Variants in ADIPOR1 observed in about 807,000 individuals in gnomAD.
ADIPOR1 encodes the protein adiponectin receptor protein 1.
A neutral mutation model predicts 37.5 loss-of-function variants in ADIPOR1; 15 were observed. The ratio of observed to expected loss-of-function variants is 0.40; its 90% confidence interval spans 0.27 to 0.62. The LOEUF (loss-of-function observed/expected upper bound fraction) is 0.62. Among genes scored for constraint, ADIPOR1 ranks in the 20% least tolerant of loss-of-function variants. The pLI, the probability that ADIPOR1 is intolerant of heterozygous loss-of-function variation, is 0.42. For missense variants in ADIPOR1, 286 were observed against 478.0 expected (o/e 0.60, Z 3.75); for synonymous variants, 173 against 173.2 (o/e 1.00, Z 0.01).
intron 2 of ADIPOR1, 138 bp from the exon 3 acceptor site, chr1:202,948,558 C>A: frequency 1.5e-6 from 1 of 683,592 alleles, no homozygotes; most frequent in South Asian, 1.6e-5. Context: ...GTGGTCTCTT[C>A]TCCAAAAGCA....
intron 1 of ADIPOR1, among the ~76,000 whole-genome samples, chr1:202,955,347 A>G (rs1654741201): frequency 6.6e-6 from 1 of 151,698 alleles, no homozygotes; most frequent in Non-Finnish European, 1.5e-5. Flanking sequence ...TTAGCTTCCC[A>G]AGTCTTAGTA....
chr1:202,941,706 A>G lies in ADIPOR1; in HGVS notation c.1000-5T>C, dbSNP rs1369479412. The G allele has an allele frequency of 1.9e-6, 3 of 1,606,276 alleles. No individual in the cohort carries two copies. Among genetic ancestry groups the G allele is most frequent in the South Asian group, 1.1e-5 (1 of 89,378 alleles). Reference sequence around the variant, plus strand: ...GAAAATCTGATGAGACTGGAACTGTAGGAATAAAAAGAAAAGAGCCTTTAG... The same window carrying G: ...GAAAATCTGATGAGACTGGAACTGTGGGAATAAAAAGAAAAGAGCCTTTAG... On this transcript the variant is annotated splice_region_variant and splice_polypyrimidine_tract_variant and intron_variant, in intron 7 of 7. Transcript: ENST00000340990.
At chr1:202,943,967 A>G (rs1208514806) in intron 5 of ADIPOR1, 22 bp from the exon 6 acceptor site, 1 of 1,592,978 alleles carries the variant, frequency 6.3e-7, no homozygotes, top group Non-Finnish European at 8.6e-7. Context: ...CACAAAAATG[A>G]AACAAATCAG....
intron 1 of ADIPOR1, among the ~76,000 whole-genome samples, chr1:202,951,735 C>A (rs774213572): frequency 6.6e-6 from 1 of 152,162 alleles, no homozygotes; most frequent in African/African-American, 2.4e-5. Flanking sequence ...AATTTCTCTG[C>A]GAAGTCTACT....
At position 202,946,397 on chromosome 1, in the gene ADIPOR1, G is replaced by A. The variant is rs1485498493; in HGVS notation, c.430+42C>T. The A allele has an allele frequency of 3.1e-6, 5 of 1,611,168 alleles. No individual in the cohort carries two copies. The African/African-American group carries it at 6.7e-5, about 22-fold the overall frequency. Reference sequence around the variant, plus strand: ...GGGCTCTATAATCCCTTCGCAGTTAGGGAGACAACAAATTCCACCTTTCCC... The same window carrying A: ...GGGCTCTATAATCCCTTCGCAGTTAAGGAGACAACAAATTCCACCTTTCCC... On this transcript the variant is annotated intron_variant, in intron 4 of 7. Transcript: ENST00000340990.
chr1:202,949,072 G>A (rs530956901), intron 2 of ADIPOR1, among the ~76,000 whole-genome samples: 1 of 151,756 alleles, frequency 6.6e-6, no homozygotes, highest in East Asian at 2.0e-4. Flanking sequence ...ATTACAGGCT[G>A]AGCCACCATG....
chr1:202,958,434 G>GGCCCCGCCCTGCT (rs1168978521), upstream of ADIPOR1: 12 of 153,954 alleles, frequency 7.8e-5, no homozygotes, highest in Admixed American at 3.9e-4. Context: ...TCCCGCCCCG[G>GGCCCCGCCCTGCT]GCCCCGCCCT....
intron 6 of ADIPOR1, among the ~76,000 whole-genome samples, chr1:202,942,473 G>C (rs929195637): frequency 5.9e-5 from 9 of 152,316 alleles, no homozygotes; most frequent in African/African-American, 2.2e-4. Flanking sequence ...TTCATTATCT[G>C]TTAAGGAATT....
chr1:202,948,353 G>T lies in ADIPOR1; in HGVS notation c.209C>A (p.Pro70His). ...CTCCATGGCGTGGTGGGCTTGCAGG[G>T]GAAGTGTCAGTACCCGCACCTCCTC... ...EEEEVRVLTL[P>H]LQAHHAMEKM... The change falls in exon 3 of 8, where the codon CCC becomes CAC. Residue 70 changes from proline (P) to histidine (H), a missense_variant. By Grantham distance (77) the Pro-to-His change is moderately conservative. Coordinates refer to ENST00000340990, the MANE Select transcript of ADIPOR1 (RefSeq NM_015999.6). 1 of 1,613,980 alleles carries T rather than the reference G, an allele frequency of 6.2e-7. No homozygotes were observed. Among genetic ancestry groups the T allele is most frequent in the Non-Finnish European group, 8.5e-7 (1 of 1,179,932 alleles).
chr1:202,954,507 C>T (rs937772623), intron 1 of ADIPOR1, among the ~76,000 whole-genome samples: 2 of 152,186 alleles, frequency 1.3e-5, no homozygotes, highest in Non-Finnish European at 2.9e-5. Context: ...CCTAGGTGAG[C>T]CAACCTTCTG....
chr1:202,942,591 C>T (rs1264058165), intron 6 of ADIPOR1, among the ~76,000 whole-genome samples: 1 of 152,172 alleles, frequency 6.6e-6, no homozygotes, highest in Admixed American at 6.5e-5. Context: ...GATAGGCTTC[C>T]TGTTAAGATC....
Position 202,946,528 on chromosome 1 carries a change from T to C in ADIPOR1, c.341A>G (p.His114Arg), listed in dbSNP as rs1246125344. 6.2e-7 allele frequency: 1 copy of C among 1,614,122 alleles called. No individual in the cohort carries two copies. Residue 114 changes from histidine to arginine, a missense_variant, in exon 4 of 8, where the codon CAT (histidine) becomes CGT (arginine). Physicochemically the swap from His to Arg is conservative, Grantham distance 29 (BLOSUM62 0). Transcript: ENST00000340990. ...LKDNDYLLHGHRPPMPSFRAC... is the reference protein window; with the variant it reads ...LKDNDYLLHGRRPPMPSFRAC... ...CCGAAAGGAGGGCATGGGAGGTCTATGACCATGTAGCAGATAGTCGTTGTC... is the reference window on the plus strand; with the variant it reads ...CCGAAAGGAGGGCATGGGAGGTCTACGACCATGTAGCAGATAGTCGTTGTC...
intron 5 of ADIPOR1, 91 bp from the exon 6 acceptor site, chr1:202,944,036 C>T: frequency 8.8e-7 from 1 of 1,142,618 alleles, no homozygotes; most frequent in Non-Finnish European, 1.2e-6. Context: ...CCACCTGCTC[C>T]CAGATTTAAC....
At position 202,948,420 on chromosome 1, in the gene ADIPOR1, C is replaced by T; in HGVS notation, c.142G>A (p.Ala48Thr). 1 of 1,613,390 alleles carries T rather than the reference C, an allele frequency of 6.2e-7. No homozygotes were observed. The highest frequency in any genetic ancestry group is 8.5e-7 in the Non-Finnish European group (1 of 1,179,438). Residue 48 changes from alanine to threonine, a missense_variant and splice_region_variant, in exon 3 of 8, where the codon GCT (alanine) becomes ACT (threonine). Physicochemically the swap from Ala to Thr is moderately conservative, Grantham distance 58. Transcript: ENST00000340990. ...ACTGGGCATGTTTGCTCTTCTTCAGCCTATGGGGGAAAAAACCCACAACAA... is the reference window on the plus strand; with the variant it reads ...ACTGGGCATGTTTGCTCTTCTTCAGTCTATGGGGGAAAAAACCCACAACAA... ...GKRVIANPPK[A>T]EEEQTCPVPQ...
At chr1:202,957,024 A>G (rs999696237) in intron 1 of ADIPOR1, among the ~76,000 whole-genome samples, 6 of 152,242 alleles carry the variant, frequency 3.9e-5, no homozygotes, top group African/African-American at 1.4e-4. Context: ...CTGATTTCCC[A>G]AGTGCAAATC....
At chr1:202,949,593 A>AAAAAACAAAAC (rs1332418254) in intron 2 of ADIPOR1, among the ~76,000 whole-genome samples, 3 of 138,396 alleles carry the variant, frequency 2.2e-5, no homozygotes, top group South Asian at 2.4e-4. Context: ...AAAAAAAAAA[A>AAAAAACAAAAC]AAAACACACC....
chr1:202,945,056 G>A lies in ADIPOR1; in HGVS notation c.544C>T (p.Leu182Phe), dbSNP rs1654253174. 1.2e-6 allele frequency: 2 copies of A among 1,614,060 alleles called. No homozygotes were observed. Among genetic ancestry groups the A allele is most frequent in the African/African-American group, 2.7e-5 (2 of 74,932 alleles). Residue 182 changes from leucine to phenylalanine, a missense_variant, in exon 5 of 8, where the codon CTC becomes TTC. By Grantham distance (22) the Leu-to-Phe change is conservative. Transcript: ENST00000340990. ...AAGAGCCAGGAGAAGCTGAGGCAGA[G>A]CACTGCACCCAAAAAGAACATCCCA... ...VFGMFFLGAV[L>F]CLSFSWLFHT...
rs1043067779 is a variant in ADIPOR1 at position 202,949,437 on chromosome 1, G to A, written c.142-1017C>T. Among the ~76,000 whole-genome samples, 58 of 151,850 alleles carry A rather than the reference G, an allele frequency of 3.8e-4. 1 individual carries two copies. Among genetic ancestry groups the A allele is most frequent in the African/African-American group, 9.9e-4 (41 of 41,482 alleles). ...CTACTAAAAATACAAAAAATTAGCC[G>A]GGCGAGGTGGCGGGCACCTGTAGTC... On this transcript the variant is annotated intron_variant, in intron 2 of 7. Coordinates refer to ENST00000340990, the MANE Select transcript of ADIPOR1 (RefSeq NM_015999.6).
At chr1:202,951,284 A>C in intron 1 of ADIPOR1, 120 bp from the exon 2 acceptor site, 1 of 548,020 alleles carries the variant, frequency 1.8e-6, no homozygotes, top group South Asian at 2.7e-5. Flanking sequence ...TCTAAAGGCC[A>C]GTTAATTGCT....
Sources: gnomAD v4.1 joint callset for allele counts (sites outside exome capture counted in the v4.1 genomes callset) on GRCh38, gnomAD v4.1.1 for gene constraint, MANE v1.5 for transcripts, NCBI Gene and HGNC (gene_info 2026-07-23, HGNC 2026-07-21) for gene names.